Variants in UMODL1 observed in about 807,000 individuals in gnomAD.
UMODL1 encodes uromodulin-like 1.
In UMODL1, 128 loss-of-function variants were observed where a neutral mutation model predicts 136.3. That is an observed-to-expected ratio of 0.94 (90% confidence interval 0.81 to 1.09). The LOEUF (loss-of-function observed/expected upper bound fraction) is 1.09. Ranked by LOEUF, UMODL1 falls within the 50% of genes least tolerant of loss-of-function variation. UMODL1 has a pLI of 0.00. For missense variants in UMODL1, 1,766 were observed against 1,725.6 expected, an observed-to-expected ratio of 1.02 and a Z score of -0.41; for synonymous variants, 721 against 720.0, an observed-to-expected ratio of 1.00 and a Z score of -0.02.
rs142617919 is a variant in UMODL1 at position 42,076,774 on chromosome 21, C to T, written c.319+527C>T. Among the ~76,000 whole-genome samples the T allele has an allele frequency of 8.1e-3, 1,226 of 152,232 alleles. 16 individuals are homozygous for T. Among genetic ancestry groups the T allele is most frequent in the African/African-American group, 0.028 (1,144 of 41,522 alleles). The stretch of plus-strand genomic sequence containing the variant: ...CAAAATCCTATTCTGAACTCCAATA[C>T]GTGAAAGAGCTGGAAGGAGCCCCGA... On this transcript the variant is annotated intron_variant, in intron 2 of 22. Coordinates refer to ENST00000408910, the MANE Select transcript of UMODL1 (RefSeq NM_001004416.3).
At chr21:42,077,695 C>CTT (rs2066311932) in intron 2 of UMODL1, among the ~76,000 whole-genome samples, 1 of 152,144 alleles carries the variant, frequency 6.6e-6, no homozygotes, top group South Asian at 2.1e-4. Context: ...AAGTTAAGTC[C>CTT]TTGAGGAAGG....
chr21:42,088,373 C>A lies in UMODL1; in HGVS notation c.683C>A (p.Ser228Ter). The change falls in exon 5 of 23, where the codon TCG becomes TAG. Residue 228 changes from serine (S) to a stop codon, truncating the protein, a stop_gained. Transcript: ENST00000408910. LOFTEE classifies it high-confidence loss of function. ...CCTGGGAACGCCTCCACCACAGTGT[C>A]GCGGCTGCTACTGGGCCTGCCACGG... ...SAPGNASTTV[S>*]RLLLGLPRPL... is the part of the protein sequence containing the mutation. The A allele has an allele frequency of 3.1e-6, 5 of 1,613,910 alleles. No individual in the cohort carries two copies. The highest frequency in any genetic ancestry group is 4.2e-6 in the Non-Finnish European group (5 of 1,180,016).
chr21:42,088,031 C>T (rs1218660951), intron 4 of UMODL1, among the ~76,000 whole-genome samples: 1 of 152,232 alleles, frequency 6.6e-6, no homozygotes, highest in Non-Finnish European at 1.5e-5. Flanking sequence ...TTCTGAGGTA[C>T]TGGAGGTTAG....
chr21:42,099,093 G>A lies in UMODL1; in HGVS notation c.1099G>A (p.Gly367Arg), dbSNP rs763015976. The part of the protein sequence containing the change: ...RTQSQALAVA[G>R]LEAGVLYRVK... ...ACAGAGCCAGGCACTGGCAGTGGCT[G>A]GGCTGGAGGCTGGAGTGCTGTACAG... The change falls in exon 7 of 23, where the codon GGG becomes AGG. Residue 367 changes from glycine to arginine, a missense_variant. Gly to Arg is a moderately radical substitution (Grantham distance 125, BLOSUM62 -2). Transcript: ENST00000408910. This position sits in a 1 kb window ranked among gnomAD's most constrained non-coding sequence, Gnocchi z 4.1. 1.2e-6 allele frequency: 2 copies of A among 1,614,180 alleles called. No homozygotes were observed. Among genetic ancestry groups the A allele is most frequent in the Non-Finnish European group, 1.7e-6 (2 of 1,180,046 alleles).
chr21:42,079,646 T>C (rs2066336970), intron 2 of UMODL1, among the ~76,000 whole-genome samples: 1 of 152,168 alleles, frequency 6.6e-6, no homozygotes, highest in African/African-American at 2.4e-5. Context: ...CCTGAGTGCA[T>C]TCTTTCTAAG....
At chr21:42,097,933 T>A (rs2066577767) in intron 6 of UMODL1, among the ~76,000 whole-genome samples, 2 of 152,164 alleles carry the variant, frequency 1.3e-5, no homozygotes, top group African/African-American at 4.8e-5. Flanking sequence ...AAAAGGGCAA[T>A]AAAGGAAGCT....
chr21:42,125,143 G>A (rs2067035162), intron 17 of UMODL1, among the ~76,000 whole-genome samples: 1 of 152,202 alleles, frequency 6.6e-6, no homozygotes, highest in African/African-American at 2.4e-5. Flanking sequence ...GGCATGGGGT[G>A]TCAATGTCTG....
intron 13 of UMODL1, among the ~76,000 whole-genome samples, chr21:42,114,536 A>C (rs1418732426): frequency 1.3e-5 from 2 of 151,118 alleles, no homozygotes; most frequent in Non-Finnish European, 2.9e-5. Context: ...CCCTTGAGGG[A>C]GGTGTAGGAT....
intron 17 of UMODL1, 88 bp from the exon 18 acceptor site, chr21:42,126,257 C>T (rs1487117586): frequency 2.6e-6 from 4 of 1,551,930 alleles, no homozygotes; most frequent in East Asian, 2.3e-5. Flanking sequence ...GAACCCCCAT[C>T]CCCCCAGCAC....
chr21:42,069,673 A>T (rs1208957547), upstream of UMODL1, among the ~76,000 whole-genome samples: 1 of 152,228 alleles, frequency 6.6e-6, no homozygotes, highest in Non-Finnish European at 1.5e-5. Context: ...ACAGTGCACC[A>T]GACGAATTTT....
chr21:42,101,285 G>A (rs2146475164), intron 7 of UMODL1, among the ~76,000 whole-genome samples: 1 of 152,242 alleles, frequency 6.6e-6, no homozygotes, highest in Non-Finnish European at 1.5e-5. Flanking sequence ...ACGGGGCTCT[G>A]CGATACGTCG....
intron 21 of UMODL1, among the ~76,000 whole-genome samples, chr21:42,130,052 C>T (rs1351977111): frequency 3.9e-5 from 6 of 152,154 alleles, no homozygotes; most frequent in Non-Finnish European, 5.9e-5. Flanking sequence ...ATTACCATAC[C>T]CATGCTACAG....
In UMODL1 at chr21:42,123,105, G is replaced by A. The variant is rs770990384; in HGVS notation, c.3102G>A (p.Val1034=). 1.2e-6 allele frequency: 2 copies of A among 1,614,066 alleles called. No homozygotes were observed. The highest frequency in any genetic ancestry group is 2.2e-5 in the South Asian group (2 of 91,082). ...TGAGCCACAGCAATGGCACACACGT[G>A]CTCCTGGAGGCCGGCTGGAGCGAGT... is the stretch of plus-strand genomic sequence containing the variant. ...CNVSHSNGTH[V]LLEAGWSECG... The change falls in exon 17 of 23, where the codon GTG becomes GTA. Residue 1034 remains valine, a synonymous_variant. Transcript: ENST00000408910. The surrounding 1 kb of genome is among the most constrained non-coding windows in gnomAD (Gnocchi z 4.4).
chr21:42,090,513 G>T, intron 6 of UMODL1, 75 bp downstream of exon 6: 1 of 1,539,596 alleles, frequency 6.5e-7, no homozygotes. Flanking sequence ...CACCAGCAGT[G>T]CTTACAGCTG....
At chr21:42,064,792 G>T (rs1023471027) in intron 1 of UMODL1, among the ~76,000 whole-genome samples, 1 of 152,148 alleles carries the variant, frequency 6.6e-6, no homozygotes, top group African/African-American at 2.4e-5. Flanking sequence ...CTGACCTCAG[G>T]TGATCTGCCC....
Position 42,137,521 on chromosome 21 carries a change from A to C in UMODL1, c.3858A>C (p.Gly1286=), listed in dbSNP as rs377184956. The C allele has an allele frequency of 1.7e-5, 28 of 1,614,070 alleles. No individual in the cohort carries two copies. The African/African-American group carries it at 3.7e-4, about 22-fold the overall frequency. The change falls in exon 22 of 23, where the codon GGA becomes GGC. Residue 1286 remains glycine (G), a synonymous_variant. Coordinates refer to ENST00000408910, the MANE Select transcript of UMODL1 (RefSeq NM_001004416.3). ...IVVAIFVLVA[G]TATLLIVRYQ... is the part of the protein sequence containing the mutation. ...TGGCCATCTTCGTGCTGGTGGCGGGAACAGCCACCCTTCTGATCGTGCGCT... is the reference window on the plus strand; with the variant it reads ...TGGCCATCTTCGTGCTGGTGGCGGGCACAGCCACCCTTCTGATCGTGCGCT...
Position 42,129,649 on chromosome 21 carries a change from G to A in UMODL1, c.3691-64G>A, listed in dbSNP as rs2067106773. ...CATCACATTAGCATCCTTGATAGTA[G>A]CTCCTTTCTCATAAATGTTGTTCAA... On this transcript the variant is annotated intron_variant, in intron 20 of 22. Transcript: ENST00000408910. 2.8e-6 allele frequency: 4 copies of A among 1,415,144 alleles called. No individual in the cohort carries two copies. The South Asian group carries it at 4.1e-5, about 14-fold the overall frequency. 87.7% of individuals were successfully genotyped at this position (1,415,144 alleles called of 1,614,324 possible). A position where few individuals can be genotyped will look rare whatever the true frequency, so the allele number is the denominator to read the frequency against.
At chr21:42,086,265 C>A (rs2066425617) in intron 4 of UMODL1, among the ~76,000 whole-genome samples, 1 of 152,210 alleles carries the variant, frequency 6.6e-6, no homozygotes, top group Admixed American at 6.5e-5. Flanking sequence ...ACTTTTCAGA[C>A]AAGGGGCCCC....
Position 42,123,218 on chromosome 21 carries a change from C to A in UMODL1, c.3147+68C>A. On this transcript the variant is annotated intron_variant, in intron 17 of 22. Coordinates refer to ENST00000408910, the MANE Select transcript of UMODL1 (RefSeq NM_001004416.3). This position sits in a 1 kb window ranked among gnomAD's most constrained non-coding sequence, Gnocchi z 4.4. ...AAGGGGCTCTAGGTTACATGGGCCT[C>A]GATGTGGGAGGGCCAGGCAAGACTC... is the stretch of plus-strand genomic sequence containing the variant. The A allele has an allele frequency of 6.6e-7, 1 of 1,517,052 alleles. No individual in the cohort carries two copies. 94.0% of individuals were successfully genotyped at this position (1,517,052 alleles called of 1,614,324 possible). A position where few individuals can be genotyped will look rare whatever the true frequency, so the allele number is the denominator to read the frequency against.
Sources: gnomAD v4.1 joint callset for allele counts (sites outside exome capture counted in the v4.1 genomes callset) on GRCh38, gnomAD v4.1.1 for gene constraint, Gnocchi (gnomAD v3.1) non-coding constraint, MANE v1.5 for transcripts, NCBI Gene and HGNC (gene_info 2026-07-23, HGNC 2026-07-21) for gene names.